ACOX3: variants seen among roughly 807,000 people sequenced by gnomAD.
ACOX3 encodes the protein acyl-CoA oxidase 3, pristanoyl.
A neutral mutation model predicts 81.5 loss-of-function variants in ACOX3; 73 were observed. The observed-to-expected ratio is 0.90, with a 90% CI of 0.74 to 1.09. ACOX3 has a LOEUF of 1.09. Ranked by LOEUF, ACOX3 falls within the 50% of genes least tolerant of loss-of-function variation. The pLI, the probability that ACOX3 is intolerant of heterozygous loss-of-function variation, is 0.00. For synonymous variants in ACOX3, 387 were observed against 375.1 expected, an observed-to-expected ratio of 1.03 and a Z score of -0.37; for missense variants, 947 against 928.0, an observed-to-expected ratio of 1.02 and a Z score of -0.27.
Position 8,384,148 on chromosome 4 carries a change from G to C in ACOX3, c.1538-2541C>G, listed in dbSNP as rs945407890. Among the ~76,000 whole-genome samples the C allele has an allele frequency of 6.6e-6, 1 of 152,332 alleles. No homozygotes were observed. The highest frequency in any genetic ancestry group is 6.5e-5 in the Admixed American group (1 of 15,310). ...CCAGAATTAATCCATGAGGCTTCAC[G>C]TCGATGGCCAGTTAGACTGTGCTGT... On this transcript the variant is annotated intron_variant, in intron 13 of 17. Transcript: ENST00000356406. This position sits in a 1 kb window ranked among gnomAD's most constrained non-coding sequence, Gnocchi z 5.3.
At chr4:8,380,169 T>G (rs1717458278) in intron 14 of ACOX3, among the ~76,000 whole-genome samples, 1 of 150,984 alleles carries the variant, frequency 6.6e-6, no homozygotes, top group Admixed American at 6.6e-5. Flanking sequence ...TCTTTTCAGT[T>G]ATAAATTCAA....
At chr4:8,364,844 G>A (rs561603515), downstream of ACOX3, among the ~76,000 whole-genome samples, 21 of 152,264 alleles carry the variant, frequency 1.4e-4, no homozygotes, top group East Asian at 1.7e-3. The surrounding 1 kb of genome is among the most constrained non-coding windows in gnomAD (Gnocchi z 5.0). Context: ...AAACCCCTCC[G>A]GAGATGCCCA....
rs917383255 is a variant in ACOX3 at position 8,407,148 on chromosome 4, T to C, written c.688-1105A>G. Among the ~76,000 whole-genome samples the C allele has an allele frequency of 6.6e-6, 1 of 152,220 alleles. No individual in the cohort carries two copies. The highest frequency in any genetic ancestry group is 1.5e-5 in the Non-Finnish European group (1 of 68,034). On this transcript the variant is annotated intron_variant, in intron 6 of 17. Coordinates refer to ENST00000356406, the MANE Select transcript of ACOX3 (RefSeq NM_003501.3). This position sits in a 1 kb window ranked among gnomAD's most constrained non-coding sequence, Gnocchi z 4.6. The stretch of plus-strand genomic sequence containing the variant: ...TAACAGAAGGCTCGTACTCTTGTCT[T>C]CTGGTCACTCCTCACTATGTCCCCT...
At position 8,407,889 on chromosome 4, in the gene ACOX3, G is replaced by A. The variant is rs1340984444; in HGVS notation, c.688-1846C>T. Among the ~76,000 whole-genome samples the A allele has an allele frequency of 6.6e-6, 1 of 152,182 alleles. No individual in the cohort carries two copies. The highest frequency in any genetic ancestry group is 2.4e-5 in the African/African-American group (1 of 41,444). ...CTTCCCCTTCCCCACCAGGGGACAC[G>A]GGTGGTGTCTGGAGAGATTCTGGTT... is the stretch of plus-strand genomic sequence containing the variant. On this transcript the variant is annotated intron_variant, in intron 6 of 17. Transcript: ENST00000356406. This position sits in a 1 kb window ranked among gnomAD's most constrained non-coding sequence, Gnocchi z 4.6.
chr4:8,399,678 T>A lies in ACOX3; in HGVS notation c.777-26A>T, dbSNP rs1055205304. Reference sequence around the variant, plus strand: ...CTGTGGGGAAGCAGCAGGGCTTCTGTTAAACAGGGGTCCTGCCCTGAGGCT... The same window carrying A: ...CTGTGGGGAAGCAGCAGGGCTTCTGATAAACAGGGGTCCTGCCCTGAGGCT... On this transcript the variant is annotated intron_variant, in intron 7 of 17. Coordinates refer to ENST00000356406, the MANE Select transcript of ACOX3 (RefSeq NM_003501.3). The surrounding 1 kb of genome is among the most constrained non-coding windows in gnomAD (Gnocchi z 4.9). The A allele has an allele frequency of 6.3e-7, 1 of 1,598,952 alleles. No homozygotes were observed. Among genetic ancestry groups the A allele is most frequent in the South Asian group, 1.1e-5 (1 of 90,742 alleles).
rs191710637 is a variant in ACOX3, at chr4:8,386,854, G to C, written c.1537+2319C>G. Among the ~76,000 whole-genome samples, 487 of 152,354 alleles carry C rather than the reference G, an allele frequency of 3.2e-3. 3 individuals are homozygous for C. Among genetic ancestry groups the C allele is most frequent in the Non-Finnish European group, 2.6e-3 (175 of 68,034 alleles). On this transcript the variant is annotated intron_variant, in intron 13 of 17. Transcript: ENST00000356406. This position sits in a 1 kb window ranked among gnomAD's most constrained non-coding sequence, Gnocchi z 5.2. ...GTCCTGTTCTTTGCCGTGTGAACAA[G>C]GAAGTAGCCTGTAGGGCTGGAGACG... is the stretch of plus-strand genomic sequence containing the variant.
chr4:8,409,531 G>A (rs1339211008), intron 6 of ACOX3, among the ~76,000 whole-genome samples: 2 of 150,796 alleles, frequency 1.3e-5, no homozygotes, highest in African/African-American at 2.4e-5. Context: ...GGGTGGGCCT[G>A]TAGGATACAC....
In ACOX3 at chr4:8,397,049, G is replaced by A; in HGVS notation, c.944C>T (p.Ala315Val). Residue 315 changes from alanine (A) to valine (V), a missense_variant, in exon 9 of 18, where the codon GCC becomes GTC. Coordinates refer to ENST00000356406, the MANE Select transcript of ACOX3 (RefSeq NM_003501.3). Reference sequence around the variant, plus strand: ...CACGGCCAGCTTTAGGTTAAGGATGGCCAGGCTCACGATGGAGACCCGGCC... The same window carrying A: ...CACGGCCAGCTTTAGGTTAAGGATGACCAGGCTCACGATGGAGACCCGGCC... The part of the protein sequence containing the change: ...SSGRVSIVSL[A>V]ILNLKLAVAI... 6.2e-7 allele frequency: 1 copy of A among 1,608,038 alleles called. No homozygotes were observed. Among genetic ancestry groups the A allele is most frequent in the Non-Finnish European group, 8.5e-7 (1 of 1,177,420 alleles).
intron 8 of ACOX3, 28 bp from the exon 9 acceptor site, chr4:8,397,147 C>T: frequency 6.6e-7 from 1 of 1,518,420 alleles, no homozygotes; most frequent in Middle Eastern, 2.1e-4. Flanking sequence ...ATGATAAGCT[C>T]AAGCCCGGCT....
At position 8,392,295 on chromosome 4, in the gene ACOX3, A is replaced by G. The variant is rs145488192; in HGVS notation, c.1300+38T>C. ...TGGTCTAGAGTCAAACAGCAGGGCT[A>G]AGGACAGGAAACCACCATGCGCTTC... On this transcript the variant is annotated intron_variant, in intron 11 of 17. Transcript: ENST00000356406. 260 of 1,461,142 alleles carry G rather than the reference A, an allele frequency of 1.8e-4. 1 individual carries two copies. The African/African-American group carries it at 3.2e-3, about 18-fold the overall frequency. 90.5% of individuals were successfully genotyped at this position (1,461,142 alleles called of 1,614,324 possible).
Position 8,399,728 on chromosome 4 carries a change from A to T in ACOX3, c.777-76T>A. 7.6e-7 allele frequency: 1 copy of T among 1,323,426 alleles called. No individual in the cohort carries two copies. Among genetic ancestry groups the T allele is most frequent in the Non-Finnish European group, 1.1e-6 (1 of 924,108 alleles). 82.0% of individuals were successfully genotyped at this position (1,323,426 alleles called of 1,614,324 possible). On this transcript the variant is annotated intron_variant, in intron 7 of 17. Coordinates refer to ENST00000356406, the MANE Select transcript of ACOX3 (RefSeq NM_003501.3). This position sits in a 1 kb window ranked among gnomAD's most constrained non-coding sequence, Gnocchi z 4.9. ...TCTTCTCTTCTCCAAGGGCAGCCTA[A>T]AAGCTGATGCAATCCCCGAGGACAA...
chr4:8,374,316 C>T (rs1180423141), intron 15 of ACOX3: 4 of 153,114 alleles, frequency 2.6e-5, no homozygotes, highest in Admixed American at 1.3e-4. Context: ...TGTGTCCCTT[C>T]CTTGGTGCAC....
At chr4:8,361,586 T>G (rs1412769668), downstream of ACOX3, among the ~76,000 whole-genome samples, 1 of 152,146 alleles carries the variant, frequency 6.6e-6, no homozygotes, top group Non-Finnish European at 1.5e-5. Flanking sequence ...TATTCAGTTT[T>G]TCTGTAAACT....
chr4:8,397,135 A>G lies in ACOX3; in HGVS notation c.874-16T>C. Reference sequence around the variant, plus strand: ...GCCTGACGTCCTACGGGAGGGACACAGATGATAAGCTCAAGCCCGGCTGCG... The same window carrying G: ...GCCTGACGTCCTACGGGAGGGACACGGATGATAAGCTCAAGCCCGGCTGCG... On this transcript the variant is annotated splice_polypyrimidine_tract_variant and intron_variant, in intron 8 of 17. Transcript: ENST00000356406. 1 of 1,538,138 alleles carries G rather than the reference A, an allele frequency of 6.5e-7. No individual in the cohort carries two copies. Among genetic ancestry groups the G allele is most frequent in the Non-Finnish European group, 8.7e-7 (1 of 1,146,828 alleles).
downstream of ACOX3, among the ~76,000 whole-genome samples, chr4:8,362,586 G>A (rs902957207): frequency 1.3e-5 from 2 of 152,252 alleles, no homozygotes; most frequent in Non-Finnish European, 2.9e-5. Context: ...GGGATGCTTT[G>A]CATTAAGGAA....
intron 10 of ACOX3, among the ~76,000 whole-genome samples, chr4:8,393,631 A>ACACG (rs1486249252): frequency 0.028 from 1,831 of 64,318 alleles, 32 homozygotes; most frequent in African/African-American, 0.077. Flanking sequence ...ACACACACAC[A>ACACG]CACACGCACA....
In ACOX3 at chr4:8,414,485, C is replaced by T; in HGVS notation, c.454-104G>A. On this transcript the variant is annotated intron_variant, in intron 4 of 17. Transcript: ENST00000356406. The surrounding 1 kb of genome is among the most constrained non-coding windows in gnomAD (Gnocchi z 6.1). The stretch of plus-strand genomic sequence containing the variant: ...TTCCTTTAAAGATGAAACCACATAT[C>T]AAAGCCCCAAATTTCCATCTACCCA... 9.4e-7 allele frequency: 1 copy of T among 1,059,562 alleles called. No homozygotes were observed. Among genetic ancestry groups the T allele is most frequent in the East Asian group, 2.5e-5 (1 of 39,582 alleles). 65.6% of individuals were successfully genotyped at this position (1,059,562 alleles called of 1,614,324 possible).
In ACOX3 at chr4:8,368,759, C is replaced by A. The variant is rs1197636750; in HGVS notation, c.1984-1679G>T. ...TTTTTTTTTTTTTGAGATGAGGTCT[C>A]ACCCTGTTGGCCAGGCTGGAGTGCA... On this transcript the variant is annotated intron_variant, in intron 17 of 17. Transcript: ENST00000356406. The surrounding 1 kb of genome is among the most constrained non-coding windows in gnomAD (Gnocchi z 5.9). Among the ~76,000 whole-genome samples the A allele has an allele frequency of 6.7e-6, 1 of 149,974 alleles. No homozygotes were observed. The highest frequency in any genetic ancestry group is 1.5e-5 in the Non-Finnish European group (1 of 67,728).
At chr4:8,409,169 G>T (rs1721397214) in intron 6 of ACOX3, among the ~76,000 whole-genome samples, 1 of 152,188 alleles carries the variant, frequency 6.6e-6, no homozygotes. Context: ...AAGAACATGA[G>T]CAACAAAAGA....
Sources: gnomAD v4.1 joint callset for allele counts (sites outside exome capture counted in the v4.1 genomes callset) on GRCh38, gnomAD v4.1.1 for gene constraint, Gnocchi (gnomAD v3.1) non-coding constraint, MANE v1.5 for transcripts, NCBI Gene and HGNC (gene_info 2026-07-23, HGNC 2026-07-21) for gene names.